The following TRIM21 variants were observed in gnomAD, a reference collection of about 807,000 sequenced individuals.
TRIM21 encodes E3 ubiquitin-protein ligase TRIM21.
In TRIM21, 35 loss-of-function variants were observed where a neutral mutation model predicts 36.1. The observed-to-expected ratio is 0.97, with a 90% confidence interval of 0.74 to 1.28. The LOEUF (loss-of-function observed/expected upper bound fraction) is 1.28. Ranked by LOEUF, TRIM21 falls within the 50% of genes most tolerant of loss-of-function variation. The probability of loss-of-function intolerance (pLI) is 0.00; values close to 1 mark genes in which losing one functional copy is unlikely to be tolerated. For synonymous variants in TRIM21, 256 were observed against 211.5 expected (o/e 1.21, Z -1.83); for missense variants, 635 against 570.7 (o/e 1.11, Z -1.15).
At chr11:4,393,131 G>A (rs916757701) in intron 1 of TRIM21, among the ~76,000 whole-genome samples, 4 of 152,124 alleles carry the variant, frequency 2.6e-5, no homozygotes, top group Admixed American at 6.5e-5. Context: ...TAATTCTGAA[G>A]GCCTATACAT....
rs761322988 is a variant in TRIM21 at position 4,390,323 on chromosome 11, G to A, written c.87C>T (p.Ile29=). 1.5e-5 allele frequency: 25 copies of A among 1,613,804 alleles called. No individual in the cohort carries two copies. Among genetic ancestry groups the A allele is most frequent in the East Asian group, 2.2e-5 (1 of 44,882 alleles). The change falls in exon 2 of 7, where the codon ATC becomes ATT. Residue 29 remains isoleucine (I), a synonymous_variant. Coordinates refer to ENST00000254436, the MANE Select transcript of TRIM21 (RefSeq NM_003141.4). The part of the protein sequence containing the change: ...CLDPFVEPVS[I]ECGHSFCQEC... ...CCTGGCAGAAGCTGTGGCCACACTC[G>A]ATGCTCACAGGCTCCACGAAGGGGT... is the stretch of plus-strand genomic sequence containing the variant.
chr11:4,385,318 C>T lies in TRIM21; in HGVS notation c.1395G>A (p.Leu465=), dbSNP rs201525236. 1.1e-5 allele frequency: 18 copies of T among 1,612,920 alleles called. No homozygotes were observed. Among genetic ancestry groups the T allele is most frequent in the Non-Finnish European group, 1.4e-5 (17 of 1,179,746 alleles). Residue 465 remains leucine (L), a synonymous_variant, in exon 7 of 7, where the codon CTG becomes CTA. Transcript: ENST00000254436. ...CAGTGGATCCTTGTGATCCAATATT[C>T]AGTGGACAGAGGGTTAGAGGGGCTG... ...KNTAPLTLCP[L]NIGSQGSTDY
At chr11:4,388,677 G>GCACA (rs145832441) in intron 3 of TRIM21, 147 bp from the exon 4 acceptor site, 26 of 662,844 alleles carry the variant, frequency 3.9e-5, no homozygotes, top group East Asian at 1.7e-4. Context: ...GCACACGCGC[G>GCACA]CACACACACA....
At chr11:4,389,279 G>A (rs1363031805) in intron 3 of TRIM21, among the ~76,000 whole-genome samples, 1 of 152,178 alleles carries the variant, frequency 6.6e-6, no homozygotes, top group Non-Finnish European at 1.5e-5. Context: ...CACAGCCCTT[G>A]TCATTTCCTG....
At position 4,392,562 on chromosome 11, in the gene TRIM21, CT is replaced by C. The variant is rs1476843937; in HGVS notation, c.-50+1070del. 3.3e-5 allele frequency among the ~76,000 whole-genome samples: 5 copies of C among 152,042 alleles called. No individual in the cohort carries two copies. The South Asian group carries it at 6.2e-4, about 19-fold the overall frequency. On this transcript the variant is annotated intron_variant, in intron 1 of 6. Coordinates refer to ENST00000254436, the MANE Select transcript of TRIM21 (RefSeq NM_003141.4). ...AGCCTGGGTGACACGGCGAGACTCC[CT>C]CTCAAAAACAAAACAAAACAAAACA...
At position 4,385,868 on chromosome 11, in the gene TRIM21, C is replaced by A. The variant is rs1271288479; in HGVS notation, c.860-15G>T. 6.3e-7 allele frequency: 1 copy of A among 1,591,752 alleles called. No homozygotes were observed. The highest frequency in any genetic ancestry group is 1.7e-5 in the Admixed American group (1 of 57,848). On this transcript the variant is annotated splice_polypyrimidine_tract_variant and intron_variant, in intron 6 of 6. Transcript: ENST00000254436. Reference sequence around the variant, plus strand: ...AGTGATGTGGACTGCAGAGAGAGGACCACAGTCAGGCCTTGCATGGGGGGA... The same window carrying A: ...AGTGATGTGGACTGCAGAGAGAGGAACACAGTCAGGCCTTGCATGGGGGGA...
intron 3 of TRIM21, 60 bp from the exon 4 acceptor site, chr11:4,388,590 T>A: frequency 6.6e-7 from 1 of 1,520,046 alleles, no homozygotes; most frequent in Admixed American, 1.7e-5. Flanking sequence ...GCTTTGGGAA[T>A]GGAGGTATTG....
chr11:4,387,875 G>A (rs998004784), intron 4 of TRIM21, among the ~76,000 whole-genome samples: 6 of 152,196 alleles, frequency 3.9e-5, no homozygotes, highest in African/African-American at 1.4e-4. Flanking sequence ...CTGGTTCAAT[G>A]TTGGGCAGAA....
At chr11:4,391,123 C>G (rs2094962648) in intron 1 of TRIM21, among the ~76,000 whole-genome samples, 1 of 152,056 alleles carries the variant, frequency 6.6e-6, no homozygotes, top group Admixed American at 6.5e-5. Context: ...AAACAATCCA[C>G]AAAGTGAAGA....
Position 4,386,241 on chromosome 11 carries a change from G to T in TRIM21, c.775C>A (p.Leu259Met), listed in dbSNP as rs373852558. 3.1e-6 allele frequency: 5 copies of T among 1,613,752 alleles called. No homozygotes were observed. The highest frequency in any genetic ancestry group is 4.2e-6 in the Non-Finnish European group (5 of 1,179,868). ...IVLERSESWN[L>M]KDLDITSPEL... ...GGAGAGGTAATATCCAGGTCCTTCA[G>T]GTTCCAGGACTCACTCCTGGGGGAA... Residue 259 changes from leucine (L) to methionine (M), a missense_variant, in exon 6 of 7, where the codon CTG (leucine) becomes ATG (methionine). Coordinates refer to ENST00000254436, the MANE Select transcript of TRIM21 (RefSeq NM_003141.4).
chr11:4,387,479 C>T (rs1590836399), intron 4 of TRIM21, among the ~76,000 whole-genome samples: 2 of 152,216 alleles, frequency 1.3e-5, no homozygotes, highest in African/African-American at 4.8e-5. Context: ...AACCAAATCA[C>T]TGAGAATATT....
intron 3 of TRIM21, 138 bp downstream of exon 3, chr11:4,389,516 A>C (rs2094960153): frequency 8.3e-6 from 6 of 725,928 alleles, no homozygotes; most frequent in Non-Finnish European, 1.5e-5. Flanking sequence ...CCTAGAGAGC[A>C]GCTGGCTTCT....
intron 4 of TRIM21, among the ~76,000 whole-genome samples, chr11:4,388,082 ATTC>A (rs1448437383): frequency 6.6e-6 from 1 of 152,196 alleles, no homozygotes; most frequent in African/African-American, 2.4e-5. Context: ...ATGCAAGATG[ATTC>A]TAAGTGCAAC....
Position 4,388,336 on chromosome 11 carries a change from A to G in TRIM21, c.699T>C (p.Asp233=), listed in dbSNP as rs906488509. 1.9e-6 allele frequency: 3 copies of G among 1,613,852 alleles called. No individual in the cohort carries two copies. Among genetic ancestry groups the G allele is most frequent in the Non-Finnish European group, 2.5e-6 (3 of 1,179,850 alleles). The change falls in exon 4 of 7, where the codon GAT becomes GAC. Residue 233 remains aspartate (D), a synonymous_variant. Coordinates refer to ENST00000254436, the MANE Select transcript of TRIM21 (RefSeq NM_003141.4). ...QALQELISEL[D]RRCHSSALEL... ...CCAGTGCTGAGCTGTGGCACCTTCG[A>G]TCTAGCTCTGAGATGAGCTCCTGTA...
rs372074275 is a variant in TRIM21, at chr11:4,385,300, T to G, written c.1413A>C (p.Gly471=). ...GAGAAAGCCATCAATAGTCAGTGGA[T>G]CCTTGTGATCCAATATTCAGTGGAC... ...TLCPLNIGSQ[G]STDY is the part of the protein sequence containing the mutation. Residue 471 remains glycine (G), a synonymous_variant, in exon 7 of 7, where the codon GGA becomes GGC. Transcript: ENST00000254436. 1 of 1,611,706 alleles carries G rather than the reference T, an allele frequency of 6.2e-7. No individual in the cohort carries two copies. Among genetic ancestry groups the G allele is most frequent in the African/African-American group, 1.3e-5 (1 of 74,860 alleles).
intron 4 of TRIM21, 51 bp from the exon 5 acceptor site, chr11:4,387,041 G>A: frequency 1.3e-6 from 2 of 1,548,450 alleles, no homozygotes; most frequent in East Asian, 2.4e-5. Flanking sequence ...GATCGCCACT[G>A]AGACATCAGC....
At chr11:4,389,221 C>T (rs551716573) in intron 3 of TRIM21, among the ~76,000 whole-genome samples, 1 of 152,282 alleles carries the variant, frequency 6.6e-6, no homozygotes, top group South Asian at 2.1e-4. Flanking sequence ...GAGATCTGGT[C>T]ATGGTCAAGT....
In TRIM21 at chr11:4,390,254, A is replaced by G. The variant is rs756760660; in HGVS notation, c.156T>C (p.Pro52=). 9.3e-6 allele frequency: 15 copies of G among 1,613,886 alleles called. No individual in the cohort carries two copies. Among genetic ancestry groups the G allele is most frequent in the Non-Finnish European group, 1.1e-5 (13 of 1,179,902 alleles). ...QVGKGGGSVC[P]VCRQRFLLKN... Reference sequence around the variant, plus strand: ...TGAGCAGAAAGCGCTGCCGGCACACAGGACAGACGCTGCCCCCACCTTTCC... The same window carrying G: ...TGAGCAGAAAGCGCTGCCGGCACACGGGACAGACGCTGCCCCCACCTTTCC... The change falls in exon 2 of 7, where the codon CCT becomes CCC. Residue 52 remains proline, a synonymous_variant. Coordinates refer to ENST00000254436, the MANE Select transcript of TRIM21 (RefSeq NM_003141.4).
Position 4,391,143 on chromosome 11 carries a change from C to G in TRIM21, c.-49-685G>C, listed in dbSNP as rs543334215. Among the ~76,000 whole-genome samples, 13 of 152,252 alleles carry G rather than the reference C, an allele frequency of 8.5e-5. 1 individual carries two copies. The East Asian group carries it at 2.5e-3, about 29-fold the overall frequency. ...ATCCACAAAGTGAAGAGACAGCCCA[C>G]AGAATTGGAGTAAATATTTGTAAAC... On this transcript the variant is annotated intron_variant, in intron 1 of 6. Coordinates refer to ENST00000254436, the MANE Select transcript of TRIM21 (RefSeq NM_003141.4).
Sources: gnomAD v4.1 joint callset for allele counts (sites outside exome capture counted in the v4.1 genomes callset) on GRCh38, gnomAD v4.1.1 for gene constraint, MANE v1.5 for transcripts, NCBI Gene and HGNC (gene_info 2026-07-23, HGNC 2026-07-21) for gene names.